Variants in STK32B observed in about 807,000 individuals in gnomAD.
STK32B encodes the protein serine/threonine kinase 32B.
STK32B carries 43 observed loss-of-function variants against 52.6 expected under a neutral mutation model. That is an observed-to-expected ratio of 0.82 (90% confidence interval 0.64 to 1.05). The LOEUF is 1.05. Ranked by LOEUF, STK32B falls within the 50% of genes least tolerant of loss-of-function variation. The pLI is 0.00. For synonymous variants in STK32B, 238 were observed against 204.3 expected, an observed-to-expected ratio of 1.17 and a Z score of -1.41; for missense variants, 621 against 534.6, an observed-to-expected ratio of 1.16 and a Z score of -1.59.
At position 5,317,318 on chromosome 4, in the gene STK32B, A is replaced by T. The variant is rs577151754; in HGVS notation, c.261-13902A>T. Among the ~76,000 whole-genome samples the T allele has an allele frequency of 2.1e-3, 100 of 48,208 alleles. 12 individuals are homozygous for T. The highest frequency in any genetic ancestry group is 0.014 in the African/African-American group (87 of 6,362). The allele number at this position is 48,208 out of a possible 152,430, so 31.6% of individuals were successfully genotyped here. On this transcript the variant is annotated intron_variant, in intron 3 of 11. Coordinates refer to ENST00000282908, the MANE Select transcript of STK32B (RefSeq NM_018401.3). ...ATAATATATAATATATAACATATGT[A>T]TAATATATATTACATATATAATACA... is the stretch of plus-strand genomic sequence containing the variant.
rs74707179 is a variant in STK32B, at chr4:5,492,856, C to T, written c.1107-6089C>T. 7.9e-3 allele frequency among the ~76,000 whole-genome samples: 1,187 copies of T among 151,056 alleles called. 18 individuals carry two copies. Among genetic ancestry groups the T allele is most frequent in the Non-Finnish European group, 0.012 (835 of 67,908 alleles). On this transcript the variant is annotated intron_variant, in intron 11 of 11. Coordinates refer to ENST00000282908, the MANE Select transcript of STK32B (RefSeq NM_018401.3). ...AATCATGTGGTTTTTGTCTTTGGTT[C>T]TGTTTATATGCTGGATTACATTTAT...
intron 3 of STK32B, among the ~76,000 whole-genome samples, chr4:5,169,049 G>T (rs940826727): frequency 6.6e-6 from 1 of 152,052 alleles, no homozygotes; most frequent in Non-Finnish European, 1.5e-5. Context: ...AAACACTCAC[G>T]TCCCCTTCTC....
rs984455103 is a variant in STK32B at position 5,058,264 on chromosome 4, GCA to G, written c.52+6358_52+6359del. 3.3e-5 allele frequency among the ~76,000 whole-genome samples: 5 copies of G among 152,158 alleles called. No homozygotes were observed. Among genetic ancestry groups the G allele is most frequent in the Admixed American group, 3.3e-4 (5 of 15,274 alleles). On this transcript the variant is annotated intron_variant, in intron 1 of 11. Transcript: ENST00000282908. The surrounding 1 kb of genome is among the most constrained non-coding windows in gnomAD (Gnocchi z 4.8). ...CATCCTGTTCCCCTTTACTTTTCAT[GCA>G]CACACACAAAATTATACCTCCTTGT...
chr4:5,201,028 A>G (rs1479688447), intron 3 of STK32B, among the ~76,000 whole-genome samples: 1 of 152,228 alleles, frequency 6.6e-6, no homozygotes, highest in African/African-American at 2.4e-5. Flanking sequence ...AATAGCTGGC[A>G]AGAAAATGCA....
chr4:5,196,662 A>C (rs1252537350), intron 3 of STK32B, among the ~76,000 whole-genome samples: 1 of 151,978 alleles, frequency 6.6e-6, no homozygotes. Context: ...CGGAGGTTGC[A>C]GTGAGCTGAG....
intron 3 of STK32B, among the ~76,000 whole-genome samples, chr4:5,243,623 G>A (rs948385478): frequency 2.0e-5 from 3 of 152,156 alleles, no homozygotes; most frequent in African/African-American, 7.2e-5. Flanking sequence ...ATGTTGAATA[G>A]GAGTGGTGAG....
chr4:5,145,915 T>C (rs1330987199), intron 2 of STK32B, among the ~76,000 whole-genome samples: 1 of 152,218 alleles, frequency 6.6e-6, no homozygotes, highest in Non-Finnish European at 1.5e-5. Flanking sequence ...AAAACCTGGC[T>C]CACCAAAACA....
chr4:5,059,370 C>T (rs138416378), intron 1 of STK32B, among the ~76,000 whole-genome samples: 188 of 152,182 alleles, frequency 1.2e-3, no homozygotes, highest in Non-Finnish European at 2.0e-3. Context: ...CTTTATTGCA[C>T]GGAAGATGTT....
rs61999284 is a variant in STK32B at position 5,498,979 on chromosome 4, T to C, written c.1141T>C (p.Leu381=). ...RRQQGQGSQL[L]DTDSRGGGQA... Reference sequence around the variant, plus strand: ...GCAGCAGGGACAGGGCAGCCAGCTCTTGGACACCGACAGCCGAGGGGGAGG... The same window carrying C: ...GCAGCAGGGACAGGGCAGCCAGCTCCTGGACACCGACAGCCGAGGGGGAGG... Residue 381 remains leucine, a synonymous_variant, in exon 12 of 12, where the codon TTG becomes CTG. Coordinates refer to ENST00000282908, the MANE Select transcript of STK32B (RefSeq NM_018401.3). 1.9e-3 allele frequency: 3,013 copies of C among 1,613,754 alleles called. 42 individuals carry two copies. The African/African-American group carries it at 0.035, about 19-fold the overall frequency.
intron 5 of STK32B, among the ~76,000 whole-genome samples, chr4:5,415,811 C>T (rs756259349): frequency 6.6e-6 from 1 of 152,138 alleles, no homozygotes; most frequent in African/African-American, 2.4e-5. Flanking sequence ...TAGCCGATCA[C>T]ATCAGGCATG....
In STK32B at chr4:5,129,804, C is replaced by G. The variant is rs1286810835; in HGVS notation, c.53-10101C>G. On this transcript the variant is annotated intron_variant, in intron 1 of 11. Transcript: ENST00000282908. ...CTTAACTCCCTAGGCAGAAGTGACCCTCTCATTGCAAATGTGTACAGCCAG... is the reference window on the plus strand; with the variant it reads ...CTTAACTCCCTAGGCAGAAGTGACCGTCTCATTGCAAATGTGTACAGCCAG... 5.9e-5 allele frequency among the ~76,000 whole-genome samples: 9 copies of G among 152,304 alleles called. No individual in the cohort carries two copies. The East Asian group carries it at 1.4e-3, about 23-fold the overall frequency.
intron 6 of STK32B, among the ~76,000 whole-genome samples, chr4:5,440,366 A>G (rs559193213): frequency 1.3e-4 from 20 of 152,232 alleles, no homozygotes; most frequent in African/African-American, 4.3e-4. Context: ...CTTTGAAGCA[A>G]TTGTGAATGG....
At position 5,061,278 on chromosome 4, in the gene STK32B, A is replaced by G. The variant is rs564948122; in HGVS notation, c.52+9363A>G. On this transcript the variant is annotated intron_variant, in intron 1 of 11. Coordinates refer to ENST00000282908, the MANE Select transcript of STK32B (RefSeq NM_018401.3). ...GGTCTGTCTGCTATTAAGTACAGCCATTAACTTCTTAATGTTATTCATTGT... is the reference window on the plus strand; with the variant it reads ...GGTCTGTCTGCTATTAAGTACAGCCGTTAACTTCTTAATGTTATTCATTGT... 2.6e-5 allele frequency among the ~76,000 whole-genome samples: 4 copies of G among 152,262 alleles called. No individual in the cohort carries two copies. The South Asian group carries it at 8.3e-4, about 32-fold the overall frequency.
rs537472890 is a variant in STK32B, at chr4:5,086,601, A to G, written c.52+34686A>G. On this transcript the variant is annotated intron_variant, in intron 1 of 11. Coordinates refer to ENST00000282908, the MANE Select transcript of STK32B (RefSeq NM_018401.3). ...AATGTGACAAAAAACAATAAGCTAC[A>G]CTTCCAAGAAGCTCAGTGAATCCCT... Among the ~76,000 whole-genome samples, 17 of 152,330 alleles carry G rather than the reference A, an allele frequency of 1.1e-4. No homozygotes were observed. The East Asian group carries it at 2.9e-3, about 26-fold the overall frequency.
intron 3 of STK32B, among the ~76,000 whole-genome samples, chr4:5,190,606 G>A (rs1382837083): frequency 2.0e-5 from 3 of 152,134 alleles, no homozygotes; most frequent in Non-Finnish European, 4.4e-5. Flanking sequence ...ACCCTGAAGA[G>A]TGCCCGCTTT....
At chr4:5,444,474 C>T (rs1345950673) in intron 6 of STK32B, among the ~76,000 whole-genome samples, 3 of 152,180 alleles carry the variant, frequency 2.0e-5, no homozygotes, top group Non-Finnish European at 4.4e-5. Flanking sequence ...GCACTGTGCG[C>T]ACACCCACTG....
chr4:5,082,131 C>G (rs1276483585), intron 1 of STK32B, among the ~76,000 whole-genome samples: 1 of 151,014 alleles, frequency 6.6e-6, no homozygotes, highest in Non-Finnish European at 1.5e-5. Flanking sequence ...TTTTTTTTCT[C>G]CCTTGGAGGG....
chr4:5,408,534 A>G (rs937234101), intron 5 of STK32B, among the ~76,000 whole-genome samples: 1 of 152,084 alleles, frequency 6.6e-6, no homozygotes, highest in African/African-American at 2.4e-5. Context: ...TTTTCTTTAT[A>G]AATTACCTAG....
At chr4:5,210,920 T>G (rs758984246) in intron 3 of STK32B, among the ~76,000 whole-genome samples, 1 of 151,770 alleles carries the variant, frequency 6.6e-6, no homozygotes, top group African/African-American at 2.4e-5. Flanking sequence ...CTCAGCCCCA[T>G]GAGTAGCTGG....
Sources: allele counts gnomAD v4.1 joint callset (sites outside exome capture counted in the v4.1 genomes callset), GRCh38; gene constraint gnomAD v4.1.1; non-coding constraint Gnocchi (gnomAD v3.1); transcripts MANE v1.5; gene names NCBI Gene and HGNC (gene_info 2026-07-23, HGNC 2026-07-21).